The following MBD1 variants were observed in gnomAD, a reference collection of about 807,000 sequenced individuals.
The protein encoded by MBD1 is methyl-CpG binding domain protein 1.
A neutral mutation model predicts 82.6 loss-of-function variants in MBD1; 25 were observed. The observed-to-expected ratio is 0.30, with a 90% CI of 0.22 to 0.42. The LOEUF (loss-of-function observed/expected upper bound fraction) is 0.42, where lower values mean the gene tolerates loss of function less well. Among genes scored for constraint, MBD1 ranks in the 10% least tolerant of loss-of-function variants. The pLI, the probability that MBD1 is intolerant of heterozygous loss-of-function variation, is 1.00. For missense variants in MBD1, 627 were observed against 819.6 expected (o/e 0.76, Z 2.87); for synonymous variants, 301 against 303.7 (o/e 0.99, Z 0.09).
chr18:50,275,162 T>C lies in MBD1; in HGVS notation c.876A>G (p.Pro292=), dbSNP rs1023371403. The C allele has an allele frequency of 1.9e-6, 3 of 1,613,108 alleles. No homozygotes were observed. Among genetic ancestry groups the C allele is most frequent in the African/African-American group, 2.7e-5 (2 of 74,536 alleles). ...RRPGAQPLPP[P]PPSQSPEPTE... ...TGGGCTCTGGGGACTGTGATGGGGG[T>C]GGTGGAGGCAGTGGCTGGGCTCCGG... Residue 292 remains proline, a synonymous_variant, in exon 9 of 17, where the codon CCA becomes CCG. Coordinates refer to ENST00000269468, the MANE Select transcript of MBD1 (RefSeq NM_015846.4).
intron 1 of MBD1, 37 bp from the exon 2 acceptor site, chr18:50,280,054 T>C (rs1384530480): frequency 6.4e-7 from 1 of 1,564,244 alleles, no homozygotes; most frequent in Non-Finnish European, 8.6e-7. Context: ...AAACTGAGGC[T>C]CTAGGAAGGG....
intron 15 of MBD1, chr18:50,272,408 A>C: frequency 2.0e-6 from 1 of 501,016 alleles, no homozygotes. Flanking sequence ...CAGACTCCCT[A>C]TCTTTTTCTT....
At chr18:50,267,925 T>TC (rs1423672032), downstream of MBD1, among the ~76,000 whole-genome samples, 1 of 152,288 alleles carries the variant, frequency 6.6e-6, no homozygotes, top group Non-Finnish European at 1.5e-5. Flanking sequence ...GTTCAGCTTT[T>TC]CAGCCACGAA....
chr18:50,281,545 G>A, upstream of MBD1: 1 of 575,064 alleles, frequency 1.7e-6, no homozygotes, highest in Non-Finnish European at 3.1e-6. Context: ...TCCGCTGCCT[G>A]CCTCTCGGGC....
chr18:50,273,911 C>G (rs771927006), intron 11 of MBD1, 48 bp from the exon 12 acceptor site: 8 of 1,599,796 alleles, frequency 5.0e-6, no homozygotes, highest in Non-Finnish European at 6.8e-6. Flanking sequence ...CCTGACCAAT[C>G]ACATCCACCC....
chr18:50,278,239 A>G (rs79995606), intron 2 of MBD1, among the ~76,000 whole-genome samples: 2,075 of 152,320 alleles, frequency 0.014, 32 homozygotes, highest in African/African-American at 0.047. Flanking sequence ...TTCAAAACTA[A>G]TGAATTGTTT....
At position 50,269,837 on chromosome 18, in the gene MBD1, G is replaced by A. The variant is rs986626657; in HGVS notation, c.*33-19C>T. 1.2e-6 allele frequency: 1 copy of A among 816,066 alleles called. No individual in the cohort carries two copies. Among genetic ancestry groups the A allele is most frequent in the South Asian group, 1.3e-5 (1 of 75,288 alleles). The allele number at this position is 816,066 out of a possible 1,614,324, so 50.6% of individuals were successfully genotyped here. A position where few individuals can be genotyped will look rare whatever the true frequency, so the allele number is the denominator to read the frequency against. On this transcript the variant is annotated intron_variant, in intron 16 of 16. Transcript: ENST00000269468. ...CTGCAGACTTCAAGCTCCAGCATTA[G>A]ATGCAAAGACAACAGCCTTACAGAG... is the stretch of plus-strand genomic sequence containing the variant.
intron 15 of MBD1, 49 bp from the exon 16 acceptor site, chr18:50,271,589 C>A (rs370082070): frequency 5.0e-6 from 8 of 1,601,340 alleles, no homozygotes; most frequent in Middle Eastern, 1.7e-4. Flanking sequence ...TTGCTATGTG[C>A]GCAATGGAGC....
chr18:50,269,860 G>T, intron 16 of MBD1, 42 bp from the exon 17 acceptor site: 1 of 868,084 alleles, frequency 1.2e-6, no homozygotes. Context: ...CAGCCTTACA[G>T]AGACTGTTTA....
intron 1 of MBD1, chr18:50,281,087 T>A: frequency 6.4e-6 from 9 of 1,409,892 alleles, no homozygotes; most frequent in Non-Finnish European, 7.7e-6. Context: ...CAACTTCAGA[T>A]GCCCCGATGT....
intron 16 of MBD1, 178 bp downstream of exon 16, chr18:50,271,291 T>G: frequency 6.7e-7 from 1 of 1,482,726 alleles, no homozygotes; most frequent in East Asian, 2.3e-5. Context: ...CTACTCTTTC[T>G]CTTCCTTTCC....
chr18:50,273,007 GA>G (rs771774643), intron 13 of MBD1, 52 bp from the exon 14 acceptor site: 16 of 1,610,794 alleles, frequency 9.9e-6, no homozygotes, highest in Admixed American at 1.7e-5. Flanking sequence ...TTCACCTGAG[GA>G]AAGTCTCTAT....
At chr18:50,277,356 T>TA (rs1883851526) in intron 2 of MBD1, 152 bp from the exon 3 acceptor site, 6 of 683,248 alleles carry the variant, frequency 8.8e-6, no homozygotes, top group Admixed American at 2.3e-5. Context: ...CTTGAAAACA[T>TA]AAAAAAATTA....
At chr18:50,273,302 G>C in intron 13 of MBD1, 32 bp downstream of exon 13, 3 of 1,613,058 alleles carry the variant, frequency 1.9e-6, no homozygotes, top group South Asian at 1.1e-5. Context: ...ACTCCGCTAC[G>C]GCACCAACAG....
intron 2 of MBD1, among the ~76,000 whole-genome samples, chr18:50,279,043 G>C (rs1017507765): frequency 2.0e-5 from 3 of 152,090 alleles, no homozygotes; most frequent in Non-Finnish European, 4.4e-5. Context: ...AAATTCTTCG[G>C]AAGACTCCTG....
intron 16 of MBD1, chr18:50,270,500 CAGG>C: frequency 2.8e-6 from 1 of 356,958 alleles, no homozygotes; most frequent in South Asian, 2.1e-5. Flanking sequence ...GATCACAGGG[CAGG>C]AGATGCACGT....
At chr18:50,272,404 C>A (rs111703371) in intron 15 of MBD1, 60 of 505,754 alleles carry the variant, frequency 1.2e-4, no homozygotes, top group African/African-American at 1.0e-3. Context: ...GGACCAGACT[C>A]CCTATCTTTT....
At chr18:50,280,364 C>T (rs2039729756) in intron 1 of MBD1, among the ~76,000 whole-genome samples, 3 of 151,890 alleles carry the variant, frequency 2.0e-5, no homozygotes, top group Admixed American at 2.0e-4. Context: ...TGTCACTGAC[C>T]TAAGGGCCTC....
At position 50,273,438 on chromosome 18, in the gene MBD1, C is replaced by G. The variant is rs749825342; in HGVS notation, c.1480G>C (p.Ala494Pro). The change falls in exon 13 of 17, where the codon GCC becomes CCC. Residue 494 changes from alanine to proline, a missense_variant. By Grantham distance (27) the Ala-to-Pro change is conservative (BLOSUM62 -1). Around this residue, in one of 6 missense-constraint regions of MBD1, gnomAD observed 265 missense variants for 278.4 expected, o/e 0.95. Transcript: ENST00000269468. Reference sequence around the variant, plus strand: ...TTCTCTTGCTTCACCTGGGGTAAGGCCACAACCCAACTCAGGCCAGAGCAC... The same window carrying G: ...TTCTCTTGCTTCACCTGGGGTAAGGGCACAACCCAACTCAGGCCAGAGCAC... ...AQCSGLSWVV[A>P]LPQVKQEKAD... The G allele has an allele frequency of 6.2e-7, 1 of 1,614,196 alleles. No homozygotes were observed. The highest frequency in any genetic ancestry group is 8.5e-7 in the Non-Finnish European group (1 of 1,180,044).
Sources: allele counts gnomAD v4.1 joint callset (sites outside exome capture counted in the v4.1 genomes callset), GRCh38; gene constraint gnomAD v4.1.1; regional missense constraint gnomAD v4.1.1; transcripts MANE v1.5; gene names NCBI Gene and HGNC (gene_info 2026-07-23, HGNC 2026-07-21).